The following ABCB5 variants were observed in gnomAD, a reference collection of about 807,000 sequenced individuals.
ABCB5 encodes the protein ATP-binding cassette sub-family B member 5.
Under a neutral mutation model 144.2 loss-of-function variants are expected in ABCB5, and 155 were observed. That is an observed-to-expected ratio of 1.08 (90% CI 0.94 to 1.23). The LOEUF is 1.23. Ranked by LOEUF, ABCB5 falls within the 50% of genes most tolerant of loss-of-function variation. The pLI, the probability that ABCB5 is intolerant of heterozygous loss-of-function variation, is 0.00. For synonymous variants in ABCB5, 610 were observed against 528.6 expected, an observed-to-expected ratio of 1.15 and a Z score of -2.11; for missense variants, 1,830 against 1,520.8, an observed-to-expected ratio of 1.20 and a Z score of -3.38.
chr7:20,739,334 G>A (rs1029763976), intron 24 of ABCB5, among the ~76,000 whole-genome samples, 195 bp downstream of exon 24: 3 of 151,628 alleles, frequency 2.0e-5, no homozygotes, highest in African/African-American at 7.3e-5. Flanking sequence ...ACAAACCTGC[G>A]CATATACTCC....
At chr7:20,666,816 T>A in intron 14 of ABCB5, 1 of 1,573,950 alleles carries the variant, frequency 6.4e-7, no homozygotes, top group Middle Eastern at 1.7e-4. Context: ...CGTTGAGGTA[T>A]CTGGAACCAC....
At chr7:20,752,889 A>G (rs972359432) in intron 26 of ABCB5, among the ~76,000 whole-genome samples, 29 of 152,224 alleles carry the variant, frequency 1.9e-4, no homozygotes, top group African/African-American at 6.5e-4. Flanking sequence ...AGGAAGATGC[A>G]TGTACCACTG....
chr7:20,717,038 G>A (rs1364609981), intron 20 of ABCB5, among the ~76,000 whole-genome samples: 1 of 152,110 alleles, frequency 6.6e-6, no homozygotes, highest in Non-Finnish European at 1.5e-5. Context: ...ACTCCAGACT[G>A]GTCTTCCCAT....
rs796774280 is a variant in ABCB5 at position 20,754,954 on chromosome 7, C to CTT, written c.3577-462_3577-461dup. 9.4e-4 allele frequency among the ~76,000 whole-genome samples: 138 copies of CTT among 146,062 alleles called. No homozygotes were observed. In the East Asian group the frequency reaches 0.023, roughly 24 times the overall value. On this transcript the variant is annotated intron_variant, in intron 27 of 27. Coordinates refer to ENST00000404938, the MANE Select transcript of ABCB5 (RefSeq NM_001163941.2). ...CATAATTTATCTGTAGCTAATCTTTCTTTTTTTTTTTTGAGACGGAGTTTC... is the reference window on the plus strand; with the variant it reads ...CATAATTTATCTGTAGCTAATCTTTCTTTTTTTTTTTTTTGAGACGGAGTTTC...
At position 20,700,075 on chromosome 7, in the gene ABCB5, A is replaced by G. The variant is rs774197181; in HGVS notation, c.2277A>G (p.Arg759=). The G allele has an allele frequency of 1.2e-5, 19 of 1,613,724 alleles. No homozygotes were observed. The highest frequency in any genetic ancestry group is 1.5e-5 in the Non-Finnish European group (18 of 1,179,858). The change falls in exon 19 of 28, where the codon AGA becomes AGG. Residue 759 remains arginine (R), a synonymous_variant. Coordinates refer to ENST00000404938, the MANE Select transcript of ABCB5 (RefSeq NM_001163941.2). The part of the protein sequence containing the change: ...SYFMQGLFYG[R]AGEILTMRLR... ...CTTTTCAGGGATTATTTTACGGCAGAGCAGGGGAAATTTTAACGATGAGAT... is the reference window on the plus strand; with the variant it reads ...CTTTTCAGGGATTATTTTACGGCAGGGCAGGGGAAATTTTAACGATGAGAT...
At chr7:20,659,741 T>C in intron 14 of ABCB5, 1 of 985,840 alleles carries the variant, frequency 1.0e-6, no homozygotes, top group Non-Finnish European at 1.2e-6. Context: ...CAAGCCTCGC[T>C]CTGTCACCCA....
chr7:20,624,266 A>C (rs946428085), intron 2 of ABCB5, among the ~76,000 whole-genome samples: 4 of 152,210 alleles, frequency 2.6e-5, no homozygotes, highest in African/African-American at 9.6e-5. Flanking sequence ...CACAGGAAGC[A>C]TTGTAACTGT....
rs563029385 is a variant in ABCB5, at chr7:20,626,567, G to T, written c.64G>T (p.Glu22Ter). ...ENYQRNGTAEEQPKLRKEAVG... is the reference protein window; with the variant it reads ...ENYQRNGTAE ...ACTTTTATTTTCCAGAACTGCAGAA[G>T]AACAGCCAAAACTGAGAAAGGAAGC... is the stretch of plus-strand genomic sequence containing the variant. The change falls in exon 3 of 28, where the codon GAA becomes TAA. Residue 22 changes from glutamate (E) to a stop codon, truncating the protein, a stop_gained. Coordinates refer to ENST00000404938, the MANE Select transcript of ABCB5 (RefSeq NM_001163941.2). LOFTEE classifies it high-confidence loss of function. The T allele has an allele frequency of 3.1e-6, 5 of 1,607,494 alleles. No individual in the cohort carries two copies. Among genetic ancestry groups the T allele is most frequent in the South Asian group, 2.2e-5 (2 of 89,550 alleles).
chr7:20,726,741 G>A (rs1782050216), intron 21 of ABCB5, among the ~76,000 whole-genome samples: 1 of 152,034 alleles, frequency 6.6e-6, no homozygotes. Flanking sequence ...GCTTACTAAT[G>A]TTTTATTCTT....
rs192269270 is a variant in ABCB5, at chr7:20,659,153, C to T, written c.1707+477C>T. The T allele has an allele frequency of 6.7e-5, 108 of 1,613,724 alleles. No individual in the cohort carries two copies. The African/African-American group carries it at 1.3e-3, about 19-fold the overall frequency. On this transcript the variant is annotated intron_variant, in intron 14 of 27. Transcript: ENST00000404938. Reference sequence around the variant, plus strand: ...CCAGCGCCCTTCGACAGCTCTGGCCCCTCAAACCTCACCCTGACCTCCTGC... The same window carrying T: ...CCAGCGCCCTTCGACAGCTCTGGCCTCTCAAACCTCACCCTGACCTCCTGC...
intron 23 of ABCB5, among the ~76,000 whole-genome samples, chr7:20,730,791 C>G (rs1349452037): frequency 2.0e-5 from 3 of 152,140 alleles, no homozygotes; most frequent in Non-Finnish European, 4.4e-5. Flanking sequence ...TGGTTGTAAT[C>G]CAAAAGTTTG....
At chr7:20,646,724 C>T (rs975202073) in intron 9 of ABCB5, among the ~76,000 whole-genome samples, 4 of 152,182 alleles carry the variant, frequency 2.6e-5, no homozygotes, top group Non-Finnish European at 5.9e-5. Context: ...GATTAAGAAA[C>T]ATTTGTCTTG....
Position 20,647,405 on chromosome 7 carries a change from T to A in ABCB5, c.982-130T>A, listed in dbSNP as rs571680884. On this transcript the variant is annotated intron_variant, in intron 9 of 27. Coordinates refer to ENST00000404938, the MANE Select transcript of ABCB5 (RefSeq NM_001163941.2). ...CTGTGTTCTTTTTTATTTGGTCATA[T>A]CTTCCATTCTTTCTTACCTAATTCC... 21 of 1,386,922 alleles carry A rather than the reference T, an allele frequency of 1.5e-5. No homozygotes were observed. The East Asian group carries it at 5.5e-4, about 36-fold the overall frequency. 85.9% of individuals were successfully genotyped at this position (1,386,922 alleles called of 1,614,324 possible).
intron 14 of ABCB5, among the ~76,000 whole-genome samples, chr7:20,669,178 G>A (rs1486101202): frequency 2.7e-5 from 4 of 148,618 alleles, no homozygotes; most frequent in Non-Finnish European, 5.9e-5. Context: ...CGCCCCTACT[G>A]GGAAGTGAGG....
intron 23 of ABCB5, 109 bp downstream of exon 23, chr7:20,728,564 A>G (rs1303512132): frequency 7.1e-6 from 9 of 1,267,642 alleles, no homozygotes; most frequent in South Asian, 1.6e-5. Flanking sequence ...GATCAGCCTG[A>G]CCAACATAAT....
rs770600558 is a variant in ABCB5 at position 20,712,409 on chromosome 7, A to G, written c.2421+7602A>G. On this transcript the variant is annotated intron_variant, in intron 20 of 27. Coordinates refer to ENST00000404938, the MANE Select transcript of ABCB5 (RefSeq NM_001163941.2). ...GAAATTCTTAGATTTATGGGCTTAT[A>G]GTTTTCACCAAATTTTAAAACTCTA... Among the ~76,000 whole-genome samples the G allele has an allele frequency of 1.5e-4, 23 of 149,138 alleles. 1 individual carries two copies. Among genetic ancestry groups the G allele is most frequent in the South Asian group, 1.5e-3 (7 of 4,648 alleles).
chr7:20,682,538 A>C (rs956867319), intron 15 of ABCB5, among the ~76,000 whole-genome samples: 3 of 152,168 alleles, frequency 2.0e-5, no homozygotes, highest in African/African-American at 7.2e-5. Context: ...CGACTGAAAC[A>C]AAAAGGAGGT....
rs558852083 is a variant in ABCB5 at position 20,654,056 on chromosome 7, G to A, written c.1536+2433G>A. 5.3e-5 allele frequency among the ~76,000 whole-genome samples: 8 copies of A among 152,290 alleles called. 1 individual carries two copies. The South Asian group carries it at 1.7e-3, about 32-fold the overall frequency. ...TGCCCAGAGAAGAGAGGTTTTGGAGGTTGTGTTCTGCCAAGTTATGTGGCT... is the reference window on the plus strand; with the variant it reads ...TGCCCAGAGAAGAGAGGTTTTGGAGATTGTGTTCTGCCAAGTTATGTGGCT... On this transcript the variant is annotated intron_variant, in intron 13 of 27. Coordinates refer to ENST00000404938, the MANE Select transcript of ABCB5 (RefSeq NM_001163941.2).
rs141166287 is a variant in ABCB5 at position 20,743,785 on chromosome 7, G to A, written c.3222+711G>A. Among the ~76,000 whole-genome samples, 390 of 152,026 alleles carry A rather than the reference G, an allele frequency of 2.6e-3. 1 individual carries two copies. The highest frequency in any genetic ancestry group is 8.9e-3 in the African/African-American group (370 of 41,446). ...TTCTCCTGCAACGTACAGTCTTTTC[G>A]CCCTTACAGATTCTCAATGAGTGTT... On this transcript the variant is annotated intron_variant, in intron 25 of 27. Transcript: ENST00000404938.
Sources: gnomAD v4.1 joint callset for allele counts (sites outside exome capture counted in the v4.1 genomes callset) on GRCh38, gnomAD v4.1.1 for gene constraint, MANE v1.5 for transcripts, NCBI Gene and HGNC (gene_info 2026-07-23, HGNC 2026-07-21) for gene names.